The following TEX9 variants were observed in gnomAD, a reference collection of about 807,000 sequenced individuals.
TEX9 encodes testis-expressed protein 9.
TEX9 carries 74 observed loss-of-function variants against 59.6 expected under a neutral mutation model. That is an observed-to-expected ratio of 1.24 (90% CI 1.03 to 1.51). The LOEUF (loss-of-function observed/expected upper bound fraction) is 1.51. Ranked by LOEUF, TEX9 falls within the 40% of genes most tolerant of loss-of-function variation. The pLI is 0.00. For synonymous variants in TEX9, 186 were observed against 152.2 expected (o/e 1.22, Z -1.64); for missense variants, 522 against 447.8 (o/e 1.17, Z -1.49).
intron 3 of TEX9, among the ~76,000 whole-genome samples, chr15:56,378,557 C>CA (rs1316797889): frequency 1.3e-4 from 20 of 152,046 alleles, no homozygotes; most frequent in Admixed American, 4.6e-4. Context: ...TCTGCATTGT[C>CA]AGTTGTAATG....
At chr15:56,394,884 T>C in intron 9 of TEX9, 50 bp downstream of exon 9, 1 of 1,549,258 alleles carries the variant, frequency 6.5e-7, no homozygotes. Context: ...ACAAGAAAAT[T>C]ATTAAGGTTA....
intron 1 of TEX9, among the ~76,000 whole-genome samples, chr15:56,274,222 C>G (rs924420190): frequency 4.6e-5 from 7 of 152,098 alleles, no homozygotes; most frequent in East Asian, 1.9e-4. Flanking sequence ...TTCTATTGAC[C>G]TACATTCAAT....
At chr15:56,317,884 G>C (rs532183384) in intron 1 of TEX9, among the ~76,000 whole-genome samples, 1 of 151,820 alleles carries the variant, frequency 6.6e-6, no homozygotes, top group Non-Finnish European at 1.5e-5. Flanking sequence ...ATTTATTGAG[G>C]CTTGTTTTAT....
chr15:56,412,940 T>C (rs78904521), intron 10 of TEX9, among the ~76,000 whole-genome samples: 8,959 of 152,110 alleles, frequency 0.059, 677 homozygotes, highest in East Asian at 0.37. Flanking sequence ...GCCTGAGAAA[T>C]TGCACTTTTA....
chr15:56,273,955 C>G (rs185532047), intron 1 of TEX9, among the ~76,000 whole-genome samples: 2 of 152,138 alleles, frequency 1.3e-5, no homozygotes, highest in East Asian at 3.9e-4. Context: ...GTTCTCTGAC[C>G]TTCTCGTATC....
intron 4 of TEX9, among the ~76,000 whole-genome samples, chr15:56,386,599 CAT>C (rs1378069733): frequency 6.6e-6 from 1 of 151,732 alleles, no homozygotes; most frequent in Non-Finnish European, 1.5e-5. Context: ...TTTTGATAGA[CAT>C]ATGTATGCGT....
intron 12 of TEX9, chr15:56,434,112 A>G: frequency 6.3e-7 from 1 of 1,597,190 alleles, no homozygotes; most frequent in Non-Finnish European, 8.5e-7. Flanking sequence ...GATAATGACC[A>G]AAAAAACCCC....
At chr15:56,248,057 C>T (rs1216790446) in intron 1 of TEX9, among the ~76,000 whole-genome samples, 1 of 152,028 alleles carries the variant, frequency 6.6e-6, no homozygotes, top group Admixed American at 6.5e-5. Flanking sequence ...TTTCAAAGTG[C>T]AAGTAGTCCT....
chr15:56,422,310 A>T (rs1347791354), intron 10 of TEX9, among the ~76,000 whole-genome samples: 1 of 151,818 alleles, frequency 6.6e-6, no homozygotes, highest in Middle Eastern at 3.2e-3. Flanking sequence ...TTTTTAATTG[A>T]GGTGCTTACA....
In TEX9 at chr15:56,434,095, G is replaced by A. The variant is rs748047307; in HGVS notation, c.*29+5622G>A. ...AGTGGATGATAGATGAGCTATTGCT[G>A]TTTAATGATAATGACCAAAAAAACC... On this transcript the variant is annotated intron_variant, in intron 12 of 12. Coordinates refer to ENST00000352903, the Ensembl canonical transcript of TEX9. The A allele has an allele frequency of 2.0e-5, 31 of 1,583,722 alleles. No homozygotes were observed. In the South Asian group the frequency reaches 3.3e-4, roughly 17 times the overall value.
chr15:56,426,789 G>T (rs543573241), intron 10 of TEX9, among the ~76,000 whole-genome samples: 2 of 150,534 alleles, frequency 1.3e-5, no homozygotes, highest in African/African-American at 4.9e-5. Flanking sequence ...TTCAAGTATA[G>T]ATCTTCCTAA....
chr15:56,291,582 C>T (rs1306500268), intron 1 of TEX9, among the ~76,000 whole-genome samples: 1 of 152,162 alleles, frequency 6.6e-6, no homozygotes, highest in East Asian at 1.9e-4. Context: ...TTAAAGTCTA[C>T]TCTCTTAGCA....
chr15:56,256,312 G>A (rs1260057916), intron 1 of TEX9, among the ~76,000 whole-genome samples: 18 of 152,016 alleles, frequency 1.2e-4, no homozygotes, highest in African/African-American at 4.3e-4. Context: ...GACAGTGTTG[G>A]GATATGAACC....
intron 1 of TEX9, among the ~76,000 whole-genome samples, chr15:56,357,558 C>T (rs1387678725): frequency 1.3e-5 from 2 of 152,034 alleles, no homozygotes; most frequent in Admixed American, 6.6e-5. Flanking sequence ...TCTTGAAATC[C>T]GATTTTTTTA....
chr15:56,291,105 T>A (rs1238558918), intron 1 of TEX9, among the ~76,000 whole-genome samples: 3 of 152,218 alleles, frequency 2.0e-5, no homozygotes, highest in Non-Finnish European at 4.4e-5. Flanking sequence ...AAGCTTCTGA[T>A]AAGGAAATGA....
At chr15:56,264,226 C>T (rs944463182) in intron 1 of TEX9, among the ~76,000 whole-genome samples, 2 of 152,194 alleles carry the variant, frequency 1.3e-5, no homozygotes, top group African/African-American at 2.4e-5. Context: ...ATTTGTGCCA[C>T]ATCTTCATCA....
chr15:56,287,188 T>G (rs1437860068), intron 1 of TEX9, among the ~76,000 whole-genome samples: 3 of 152,166 alleles, frequency 2.0e-5, no homozygotes, highest in African/African-American at 7.2e-5. Context: ...TCAAGGTGGA[T>G]GGATGCTATA....
intron 3 of TEX9, among the ~76,000 whole-genome samples, chr15:56,375,244 T>C (rs1038374331): frequency 2.0e-5 from 3 of 152,216 alleles, no homozygotes; most frequent in African/African-American, 4.8e-5. Context: ...GTGGTTTTGA[T>C]TTGCATTTCT....
At chr15:56,341,793 T>C (rs1179815771) in intron 1 of TEX9, among the ~76,000 whole-genome samples, 1 of 152,130 alleles carries the variant, frequency 6.6e-6, no homozygotes, top group Non-Finnish European at 1.5e-5. Flanking sequence ...AATATAAAAA[T>C]ATACTCAAAT....
Sources: allele counts gnomAD v4.1 joint callset (sites outside exome capture counted in the v4.1 genomes callset), GRCh38; gene constraint gnomAD v4.1.1; transcripts MANE v1.5; gene names NCBI Gene and HGNC (gene_info 2026-07-23, HGNC 2026-07-21).